Variants in PDE4B observed in about 807,000 individuals in gnomAD.
PDE4B encodes phosphodiesterase 4B.
Under a neutral mutation model 82.2 loss-of-function variants are expected in PDE4B, and 20 were observed. The ratio of observed to expected loss-of-function variants is 0.24; its 90% confidence interval spans 0.17 to 0.35. The LOEUF (loss-of-function observed/expected upper bound fraction) is 0.35. Ranked by LOEUF, PDE4B falls within the 10% of genes least tolerant of loss-of-function variation. PDE4B has a pLI of 1.00. For missense variants in PDE4B, 655 were observed against 907.2 expected, an observed-to-expected ratio of 0.72 and a Z score of 3.57; for synonymous variants, 320 against 318.9, an observed-to-expected ratio of 1.00 and a Z score of -0.04.
intron 4 of PDE4B, chr1:66,257,392 A>T: frequency 1.5e-6 from 1 of 672,556 alleles, no homozygotes; most frequent in Non-Finnish European, 2.8e-6. Flanking sequence ...TATCCTGAGG[A>T]TATATGCTTA....
At chr1:66,022,527 ATTT>A (rs1348469123) in intron 3 of PDE4B, among the ~76,000 whole-genome samples, 1 of 152,084 alleles carries the variant, frequency 6.6e-6, no homozygotes, top group Non-Finnish European at 1.5e-5. Context: ...GGGCTGTTGA[ATTT>A]TGTTGAAGGC....
At chr1:65,804,474 G>A (rs1234046264) in intron 1 of PDE4B, among the ~76,000 whole-genome samples, 1 of 152,130 alleles carries the variant, frequency 6.6e-6, no homozygotes, top group African/African-American at 2.4e-5. Context: ...AATTGTCTTG[G>A]CTGTCTTATG....
At chr1:66,220,390 A>G (rs570991133) in intron 3 of PDE4B, among the ~76,000 whole-genome samples, 11 of 152,176 alleles carry the variant, frequency 7.2e-5, no homozygotes, top group Non-Finnish European at 1.0e-4. Context: ...GTTCCAAGGG[A>G]TAAAGTGGGA....
intron 15 of PDE4B, among the ~76,000 whole-genome samples, chr1:66,368,560 C>T (rs1027350791): frequency 6.6e-6 from 1 of 152,158 alleles, no homozygotes; most frequent in East Asian, 1.9e-4. Flanking sequence ...CAATGACTGT[C>T]GGTCTAAGAA....
rs115362007 is a variant in PDE4B, at chr1:66,339,899, A to T, written c.747+7279A>T. 1.8e-3 allele frequency among the ~76,000 whole-genome samples: 266 copies of T among 147,834 alleles called. 1 individual carries two copies. The highest frequency in any genetic ancestry group is 6.4e-3 in the African/African-American group (258 of 40,172). ...CGAGTCTAAAAGGCTCCTAGGTTGTATGCCATTGTTGTCTATGAAAGAAAA... is the reference window on the plus strand; with the variant it reads ...CGAGTCTAAAAGGCTCCTAGGTTGTTTGCCATTGTTGTCTATGAAAGAAAA... On this transcript the variant is annotated intron_variant, in intron 8 of 16. Transcript: ENST00000341517.
chr1:66,191,283 A>G (rs1647779451), intron 3 of PDE4B, among the ~76,000 whole-genome samples: 1 of 152,182 alleles, frequency 6.6e-6, no homozygotes, highest in South Asian at 2.1e-4. Context: ...GTATTGATAA[A>G]TTTTGTGAGC....
intron 1 of PDE4B, among the ~76,000 whole-genome samples, chr1:65,871,171 C>G (rs1646568695): frequency 6.6e-6 from 1 of 152,210 alleles, no homozygotes; most frequent in Admixed American, 6.5e-5. Flanking sequence ...GAGTCAGAAT[C>G]CTTCAAATGA....
intron 3 of PDE4B, among the ~76,000 whole-genome samples, chr1:66,126,234 C>T (rs1570296238): frequency 1.3e-5 from 2 of 152,138 alleles, no homozygotes; most frequent in African/African-American, 4.8e-5. Flanking sequence ...CAGAGTAAGT[C>T]AGAGAAATAT....
At chr1:65,881,361 G>T (rs1646706191) in intron 1 of PDE4B, among the ~76,000 whole-genome samples, 2 of 152,136 alleles carry the variant, frequency 1.3e-5, no homozygotes, top group African/African-American at 4.8e-5. Context: ...CTTGGACCCT[G>T]GCTGGGGCAG....
chr1:66,230,073 G>A (rs868457504), intron 3 of PDE4B, among the ~76,000 whole-genome samples: 1 of 152,258 alleles, frequency 6.6e-6, no homozygotes, highest in South Asian at 2.1e-4. Flanking sequence ...TGACAACAAA[G>A]GGAAGCTTGG....
chr1:65,812,161 C>T (rs1645828374), intron 1 of PDE4B, among the ~76,000 whole-genome samples: 2 of 152,178 alleles, frequency 1.3e-5, no homozygotes, highest in Non-Finnish European at 1.5e-5. Flanking sequence ...CAGCCCTCAG[C>T]CTTCTGCTGA....
chr1:66,282,552 C>T (rs572880822), intron 7 of PDE4B, among the ~76,000 whole-genome samples: 11 of 152,274 alleles, frequency 7.2e-5, no homozygotes, highest in Non-Finnish European at 1.0e-4. Flanking sequence ...TGGAAAGTCC[C>T]ATTTTGAATA....
chr1:66,320,733 G>C (rs1461985622), intron 7 of PDE4B, among the ~76,000 whole-genome samples: 1 of 152,164 alleles, frequency 6.6e-6, no homozygotes, highest in Non-Finnish European at 1.5e-5. Context: ...GAATCTAATA[G>C]ATGAGAAAAA....
chr1:66,046,674 A>G (rs773023095), intron 3 of PDE4B, among the ~76,000 whole-genome samples: 7 of 151,896 alleles, frequency 4.6e-5, no homozygotes, highest in Non-Finnish European at 8.8e-5. Flanking sequence ...ACTCTGAATT[A>G]TCGGGAATTA....
At chr1:65,872,938 TGCAG>T (rs1646591342) in intron 1 of PDE4B, among the ~76,000 whole-genome samples, 2 of 152,188 alleles carry the variant, frequency 1.3e-5, no homozygotes, top group South Asian at 4.1e-4. Context: ...TTCAATGACC[TGCAG>T]AGCTAGCATT....
At chr1:66,325,628 A>C (rs1053105845) in intron 7 of PDE4B, among the ~76,000 whole-genome samples, 8 of 152,228 alleles carry the variant, frequency 5.3e-5, no homozygotes, top group Admixed American at 4.6e-4. Flanking sequence ...ACTTAAGACA[A>C]ATGTCAAGAA....
Position 66,090,621 on chromosome 1 carries a change from A to ATATATATATGTGTGTG in PDE4B, c.282-156838_282-156837insATATATATGTGTGTGT. ...TTATATATATATATGTATATAATAT[A>ATATATATATGTGTGTG]TGTGTGTGTGTGTGTGTGTATGTAC... On this transcript the variant is annotated intron_variant, in intron 3 of 16. Transcript: ENST00000341517. Among the ~76,000 whole-genome samples, 12 of 122,728 alleles carry ATATATATATGTGTGTG rather than the reference A, an allele frequency of 9.8e-5. 1 individual carries two copies. The highest frequency in any genetic ancestry group is 4.1e-4 in the African/African-American group (10 of 24,378). The allele number at this position is 122,728 out of a possible 152,430, so 80.5% of individuals were successfully genotyped here.
intron 1 of PDE4B, among the ~76,000 whole-genome samples, chr1:65,889,744 G>T (rs1348395497): frequency 5.3e-5 from 8 of 152,060 alleles, no homozygotes; most frequent in African/African-American, 1.4e-4. Context: ...TAGAACAGAT[G>T]CACTGGCAAT....
intron 1 of PDE4B, among the ~76,000 whole-genome samples, chr1:65,802,761 CATT>C (rs1413446634): frequency 2.0e-5 from 3 of 151,954 alleles, no homozygotes; most frequent in Admixed American, 6.6e-5. Context: ...TTATTTGCCT[CATT>C]ATCTAATTTT....
Sources: allele counts gnomAD v4.1 joint callset (sites outside exome capture counted in the v4.1 genomes callset), GRCh38; gene constraint gnomAD v4.1.1; transcripts MANE v1.5; gene names NCBI Gene and HGNC (gene_info 2026-07-23, HGNC 2026-07-21).